PCDH10: variants seen among roughly 807,000 people sequenced by gnomAD.
PCDH10 encodes the protein protocadherin-10.
A neutral mutation model predicts 74.4 loss-of-function variants in PCDH10; 15 were observed. That is an observed-to-expected ratio of 0.20 (90% CI 0.13 to 0.31). The LOEUF is 0.31. PCDH10 is among the 10% of genes least tolerant of loss of function. The pLI, the probability that PCDH10 is intolerant of heterozygous loss-of-function variation, is 1.00. For synonymous variants in PCDH10, 619 were observed against 589.8 expected (o/e 1.05, Z -0.72); for missense variants, 1,260 against 1,390.2 (o/e 0.91, Z 1.49).
At chr4:133,169,381 T>G (rs528426707) in intron 4 of PCDH10, among the ~76,000 whole-genome samples, 1 of 151,988 alleles carries the variant, frequency 6.6e-6, no homozygotes, top group East Asian at 1.9e-4. Flanking sequence ...CGATCAAAGT[T>G]AATTACACCA....
chr4:133,152,702 G>A lies in PCDH10; in HGVS notation c.2562G>A (p.Gly854=), dbSNP rs1046078324. 1.2e-6 allele frequency: 2 copies of A among 1,614,176 alleles called. No individual in the cohort carries two copies. The highest frequency in any genetic ancestry group is 1.7e-6 in the Non-Finnish European group (2 of 1,180,042). Residue 854 remains glycine (G), a synonymous_variant, in exon 1 of 5, where the codon GGG becomes GGA. Transcript: ENST00000264360. ...RSTDTEHNPC[G]AIVTGYTDQQ... ...CGGACACTGAGCACAACCCCTGCGG[G>A]GCCATCGTCACCGGTTACACCGACC...
chr4:133,174,100 T>C (rs1291938857), intron 4 of PCDH10, among the ~76,000 whole-genome samples: 2 of 151,954 alleles, frequency 1.3e-5, no homozygotes, highest in Admixed American at 1.3e-4. Flanking sequence ...TATCACGTCA[T>C]CCTCTATTGA....
In PCDH10 at chr4:133,152,005, GT is replaced by G; in HGVS notation, c.1866del (p.Gly623AlafsTer4). The G allele has an allele frequency of 6.2e-7, 1 of 1,612,760 alleles. No individual in the cohort carries two copies. The highest frequency in any genetic ancestry group is 2.2e-5 in the East Asian group (1 of 44,856). Reference sequence around the variant, plus strand: ...GCCCGGCTCACTTACAGCATCGTGCGTGGCAACGAAATGAACCTCTTTCGCA... The same window carrying G: ...GCCCGGCTCACTTACAGCATCGTGCGGGCAACGAAATGAACCTCTTTCGCA... ...ENARLTYSIV[R>X]GNEMNLFRMD... On this transcript the variant is annotated frameshift_variant, in exon 1 of 5. Coordinates refer to ENST00000264360, the MANE Select transcript of PCDH10 (RefSeq NM_032961.3). LOFTEE classifies it high-confidence loss of function.
intron 4 of PCDH10, among the ~76,000 whole-genome samples, chr4:133,171,165 G>T (rs1384038738): frequency 1.3e-5 from 2 of 151,778 alleles, no homozygotes; most frequent in Non-Finnish European, 2.9e-5. Context: ...CTTAAGATTG[G>T]CCTGAATCTT....
chr4:133,174,523 C>G (rs1727255330), intron 4 of PCDH10, among the ~76,000 whole-genome samples: 1 of 151,746 alleles, frequency 6.6e-6, no homozygotes, highest in South Asian at 2.1e-4. Flanking sequence ...ATAAAGACAT[C>G]ACTTTTGTAA....
At chr4:133,187,665 G>T (rs1357186789) in intron 4 of PCDH10, among the ~76,000 whole-genome samples, 1 of 151,960 alleles carries the variant, frequency 6.6e-6, no homozygotes, top group Non-Finnish European at 1.5e-5. Flanking sequence ...TACAATAGGT[G>T]AACTTTAAAA....
At chr4:133,166,248 G>A (rs1188626425) in intron 4 of PCDH10, among the ~76,000 whole-genome samples, 3 of 151,568 alleles carry the variant, frequency 2.0e-5, no homozygotes, top group Non-Finnish European at 3.0e-5. Flanking sequence ...TACCTTAAAT[G>A]TTAATGAATT....
At chr4:133,181,064 G>A (rs1560713192) in intron 4 of PCDH10, among the ~76,000 whole-genome samples, 1 of 151,676 alleles carries the variant, frequency 6.6e-6, no homozygotes, top group Non-Finnish European at 1.5e-5. Context: ...ATGTACCCAG[G>A]CCTTCATTTT....
At chr4:133,162,934 G>A in intron 3 of PCDH10, 43 bp from the exon 4 acceptor site, 1 of 1,510,442 alleles carries the variant, frequency 6.6e-7, no homozygotes, top group South Asian at 1.2e-5. Flanking sequence ...AACTGGTCAT[G>A]TTGGTGAAGA....
downstream of PCDH10, among the ~76,000 whole-genome samples, chr4:133,195,171 T>C (rs1481528781): frequency 6.6e-5 from 10 of 152,230 alleles, no homozygotes; most frequent in Non-Finnish European, 1.3e-4. Context: ...GAATTTACCC[T>C]ATAGAAATTT....
chr4:133,206,062 G>A (rs55646024), intron 2 of PCDH10, among the ~76,000 whole-genome samples: 2,842 of 152,198 alleles, frequency 0.019, 87 homozygotes, highest in African/African-American at 0.064. Context: ...GAGTATGTTT[G>A]TCTGTAGGGT....
chr4:133,205,034 AG>A (rs34060069), intron 2 of PCDH10, among the ~76,000 whole-genome samples: 1 of 152,150 alleles, frequency 6.6e-6, no homozygotes, highest in African/African-American at 2.4e-5. Flanking sequence ...CTGTGTTAGC[AG>A]GGAACTGAAA....
At chr4:133,183,011 G>A (rs527980262) in intron 4 of PCDH10, among the ~76,000 whole-genome samples, 7 of 151,632 alleles carry the variant, frequency 4.6e-5, no homozygotes, top group African/African-American at 7.2e-5. Context: ...GAATACTGAC[G>A]ATTCTTGTAT....
chr4:133,197,116 C>A (rs898987843), downstream of PCDH10, among the ~76,000 whole-genome samples: 1 of 152,096 alleles, frequency 6.6e-6, no homozygotes, highest in Non-Finnish European at 1.5e-5. Context: ...TGGCTGGGTT[C>A]GCTTTCTTCC....
intron 1 of PCDH10, chr4:133,153,358 A>G: frequency 1.5e-6 from 1 of 648,238 alleles, no homozygotes; most frequent in Non-Finnish European, 1.9e-6. Context: ...GACAGCATTT[A>G]CAGACGCTCT....
intron 1 of PCDH10, chr4:133,153,157 T>C (rs1458125805): frequency 2.6e-6 from 3 of 1,162,880 alleles, no homozygotes; most frequent in Non-Finnish European, 3.2e-6. Flanking sequence ...TCTTTGCGTC[T>C]GTCCCAGGCA....
At chr4:133,180,997 G>T (rs921935168) in intron 4 of PCDH10, among the ~76,000 whole-genome samples, 3 of 151,638 alleles carry the variant, frequency 2.0e-5, no homozygotes, top group African/African-American at 7.2e-5. Context: ...AGGTTAAATT[G>T]AAAGGAAGAA....
At chr4:133,197,781 G>T (rs1727823736), downstream of PCDH10, among the ~76,000 whole-genome samples, 1 of 152,054 alleles carries the variant, frequency 6.6e-6, no homozygotes, top group African/African-American at 2.4e-5. Context: ...CTATCATTGT[G>T]AATAACTCTT....
At chr4:133,152,858 G>A (rs1387550174) in intron 1 of PCDH10, 87 bp downstream of exon 1, 5 of 1,559,644 alleles carry the variant, frequency 3.2e-6, no homozygotes, top group Non-Finnish European at 4.3e-6. Flanking sequence ...CTGGTGCACT[G>A]TATCTATTTT....
Sources: allele counts gnomAD v4.1 joint callset (sites outside exome capture counted in the v4.1 genomes callset), GRCh38; gene constraint gnomAD v4.1.1; transcripts MANE v1.5; gene names NCBI Gene and HGNC (gene_info 2026-07-23, HGNC 2026-07-21).